The following DCAF15 variants were observed in gnomAD, a reference collection of about 807,000 sequenced individuals.
DCAF15 encodes the protein DDB1- and CUL4-associated factor 15.
DCAF15 carries 24 observed loss-of-function variants against 68.0 expected under a neutral mutation model. That is an observed-to-expected ratio of 0.35 (90% confidence interval 0.26 to 0.50). The LOEUF (loss-of-function observed/expected upper bound fraction) is 0.50, where lower values mean the gene tolerates loss of function less well. Among genes scored for constraint, DCAF15 ranks in the 20% least tolerant of loss-of-function variants. DCAF15 has a pLI of 0.98. For missense variants in DCAF15, 627 were observed against 830.6 expected (o/e 0.75, Z 3.01); for synonymous variants, 376 against 341.6 (o/e 1.10, Z -1.11).
chr19:13,953,177 C>A, intron 1 of DCAF15: 1 of 1,513,536 alleles, frequency 6.6e-7, no homozygotes, highest in South Asian at 1.2e-5. Context: ...GAGTCTTCCC[C>A]CGCAGAGTGA....
At chr19:13,956,325 G>A (rs369302856) in intron 5 of DCAF15, 27 bp from the exon 6 acceptor site, 22 of 1,612,428 alleles carry the variant, frequency 1.4e-5, no homozygotes, top group Non-Finnish European at 1.8e-5. Flanking sequence ...GGCCGAGAGT[G>A]AGCTGCTGTG....
At chr19:13,955,617 A>G (rs561534047) in intron 3 of DCAF15, among the ~76,000 whole-genome samples, 1,551 of 152,274 alleles carry the variant, frequency 0.01, 11 homozygotes, top group Middle Eastern at 0.034. Flanking sequence ...CTCAGCATAC[A>G]TGTGAACTCA....
chr19:13,952,910 C>T (rs1252150854), intron 1 of DCAF15: 2 of 842,872 alleles, frequency 2.4e-6, no homozygotes, highest in Non-Finnish European at 3.5e-6. Flanking sequence ...AGGGAGGGGG[C>T]TCGGAGGGAG....
intron 6 of DCAF15, among the ~76,000 whole-genome samples, chr19:13,957,071 TGTA>T (rs1973393213): frequency 6.6e-6 from 1 of 152,214 alleles, no homozygotes; most frequent in Non-Finnish European, 1.5e-5. Flanking sequence ...TGGATTTAAT[TGTA>T]GTTGTTTTAA....
Position 13,959,373 on chromosome 19 carries a change from G to A in DCAF15, c.1113G>A (p.Arg371=), listed in dbSNP as rs150062595. 1.0e-5 allele frequency: 16 copies of A among 1,606,038 alleles called. No homozygotes were observed. The African/African-American group carries it at 2.1e-4, about 21-fold the overall frequency. ...PLALCGETAP[R]DSPPASEAPA... ...CCCTGTGTGGAGAGACGGCACCCCG[G>A]GACAGCCCCCCTGCCTCGGAGGCAC... The change falls in exon 7 of 13, where the codon CGG becomes CGA. Residue 371 remains arginine, a synonymous_variant. Transcript: ENST00000254337.
At position 13,960,297 on chromosome 19, in the gene DCAF15, T is replaced by A; in HGVS notation, c.1537T>A (p.Tyr513Asn). Residue 513 changes from tyrosine to asparagine, a missense_variant, in exon 11 of 13, where the codon TAT becomes AAT. By Grantham distance (143) the Tyr-to-Asn change is moderately radical. This residue lies in a region of DCAF15 where 118 missense variants were observed against 211.8 expected (regional missense o/e 0.56). Transcript: ENST00000254337. ...TEEGQLRPKT[Y>N]HTSLKVAWDL... is the part of the protein sequence containing the mutation. ...CCCTCTCCACTGTAGACCAAAGACC[T>A]ATCACACCAGCCTCAAGGTGGCATG... is the stretch of plus-strand genomic sequence containing the variant. 6.2e-7 allele frequency: 1 copy of A among 1,613,926 alleles called. No homozygotes were observed. Among genetic ancestry groups the A allele is most frequent in the Non-Finnish European group, 8.5e-7 (1 of 1,179,966 alleles).
At chr19:13,957,653 A>G (rs1460330448) in intron 6 of DCAF15, among the ~76,000 whole-genome samples, 1 of 152,190 alleles carries the variant, frequency 6.6e-6, no homozygotes, top group Non-Finnish European at 1.5e-5. Flanking sequence ...CATGCCTGTA[A>G]TCCCAGCACT....
At chr19:13,960,885 G>A in intron 12 of DCAF15, 55 bp from the exon 13 acceptor site, 1 of 1,610,718 alleles carries the variant, frequency 6.2e-7, no homozygotes, top group Non-Finnish European at 8.5e-7. Context: ...GGAGGGTGTG[G>A]CCGCAGGGCC....
At chr19:13,954,006 G>A (rs997682406) in intron 1 of DCAF15, among the ~76,000 whole-genome samples, 1 of 152,162 alleles carries the variant, frequency 6.6e-6, no homozygotes, top group Non-Finnish European at 1.5e-5. Context: ...AGGGAGGGAA[G>A]CAGGTGGCCC....
At chr19:13,958,460 T>C (rs10426021) in intron 6 of DCAF15, among the ~76,000 whole-genome samples, 3,460 of 152,214 alleles carry the variant, frequency 0.023, 118 homozygotes, top group African/African-American at 0.074. Context: ...GTAGGGGGCT[T>C]GGAGGAAACC....
In DCAF15 at chr19:13,956,061, G is replaced by C. The variant is rs551670846; in HGVS notation, c.473+43G>C. On this transcript the variant is annotated intron_variant, in intron 4 of 12. Transcript: ENST00000254337. ...GGGGAGCCTTGGCTGGTTGGGGCAG[G>C]GGGTGTGCAGTGGGGGCCCCCCAGG... The C allele has an allele frequency of 8.1e-6, 13 of 1,612,234 alleles. No individual in the cohort carries two copies. In the Admixed American group the frequency reaches 2.2e-4, roughly 27 times the overall value.
At position 13,952,629 on chromosome 19, in the gene DCAF15, G is replaced by C; in HGVS notation, c.117G>C (p.Gln39His). The change falls in exon 1 of 13, where the codon CAG becomes CAC. Residue 39 changes from glutamine to histidine, a missense_variant. Physicochemically the swap from Gln to His is conservative, Grantham distance 24 (BLOSUM62 0). Transcript: ENST00000254337. Reference sequence around the variant, plus strand: ...GGCGGCGGGAGCACGTCCTCAAGCAGCTGGAGCGGGTCAAGGTGAGGCCTG... The same window carrying C: ...GGCGGCGGGAGCACGTCCTCAAGCACCTGGAGCGGGTCAAGGTGAGGCCTG... ...AGRRREHVLK[Q>H]LERVKISGQL... is the part of the protein sequence containing the mutation. 7.9e-7 allele frequency: 1 copy of C among 1,271,350 alleles called. No homozygotes were observed. Among genetic ancestry groups the C allele is most frequent in the Non-Finnish European group, 9.9e-7 (1 of 1,005,548 alleles). 78.8% of individuals were successfully genotyped at this position (1,271,350 alleles called of 1,614,324 possible).
At position 13,959,032 on chromosome 19, in the gene DCAF15, C is replaced by T; in HGVS notation, c.785-13C>T. On this transcript the variant is annotated splice_polypyrimidine_tract_variant and intron_variant, in intron 6 of 12. Coordinates refer to ENST00000254337, the MANE Select transcript of DCAF15 (RefSeq NM_138353.4). ...CCCCAGACTGACACTTCTCCACCCC[C>T]ATCTCTTCTTAGGTGACAGGAGTTT... 6.3e-7 allele frequency: 1 copy of T among 1,574,902 alleles called. No homozygotes were observed. The highest frequency in any genetic ancestry group is 1.8e-5 in the Admixed American group (1 of 55,444).
chr19:13,958,884 G>A (rs1365278269), intron 6 of DCAF15, among the ~76,000 whole-genome samples, 161 bp from the exon 7 acceptor site: 4 of 152,142 alleles, frequency 2.6e-5, no homozygotes, highest in Non-Finnish European at 4.4e-5. Flanking sequence ...GTGTGCATGC[G>A]CAGAAAGGTC....
chr19:13,954,512 C>CT lies in DCAF15; in HGVS notation c.231-13dup. ...CGCCCTGACCTGGCCGCTGTGCCCC[C>CT]TCCACCCCCACAGACATATCTTCCT... is the stretch of plus-strand genomic sequence containing the variant. On this transcript the variant is annotated splice_polypyrimidine_tract_variant and intron_variant, in intron 2 of 12. Transcript: ENST00000254337. The CT allele has an allele frequency of 6.2e-7, 1 of 1,614,154 alleles. No individual in the cohort carries two copies. The highest frequency in any genetic ancestry group is 8.5e-7 in the Non-Finnish European group (1 of 1,180,020).
Position 13,961,080 on chromosome 19 carries a change from G to T in DCAF15, c.*85G>T. On this transcript the variant is annotated 3_prime_UTR_variant, in exon 13 of 13. Transcript: ENST00000254337. ...TCCTGGGGTGGCCTCTTCCTGGCCG[G>T]CTGGCCCACCGACTGATGACCGGCA... 3 of 1,531,072 alleles carry T rather than the reference G, an allele frequency of 2.0e-6. No individual in the cohort carries two copies. Among genetic ancestry groups the T allele is most frequent in the Non-Finnish European group, 2.7e-6 (3 of 1,117,154 alleles). The allele number at this position is 1,531,072 out of a possible 1,614,324, so 94.8% of individuals were successfully genotyped here. A position where few individuals can be genotyped will look rare whatever the true frequency, so the allele number is the denominator to read the frequency against.
intron 10 of DCAF15, 38 bp downstream of exon 10, chr19:13,960,107 G>T: frequency 6.2e-7 from 1 of 1,609,964 alleles, no homozygotes; most frequent in South Asian, 1.1e-5. Context: ...TCCACTAGGG[G>T]GGCCACTGGC....
chr19:13,959,368 C>G lies in DCAF15; in HGVS notation c.1108C>G (p.Pro370Ala). 6.2e-7 allele frequency: 1 copy of G among 1,605,920 alleles called. No homozygotes were observed. Among genetic ancestry groups the G allele is most frequent in the East Asian group, 2.2e-5 (1 of 44,862 alleles). Residue 370 changes from proline (P) to alanine (A), a missense_variant, in exon 7 of 13, where the codon CCC becomes GCC. Physicochemically the swap from Pro to Ala is conservative, Grantham distance 27. This residue lies in a region of DCAF15 where 236 missense variants were observed against 225.1 expected (regional missense o/e 1.05). Coordinates refer to ENST00000254337, the MANE Select transcript of DCAF15 (RefSeq NM_138353.4). ...EPLALCGETA[P>A]RDSPPASEAP... ...CCTAGCCCTGTGTGGAGAGACGGCA[C>G]CCCGGGACAGCCCCCCTGCCTCGGA...
intron 6 of DCAF15, among the ~76,000 whole-genome samples, chr19:13,957,196 A>G (rs1170239214): frequency 1.3e-5 from 2 of 152,214 alleles, no homozygotes; most frequent in South Asian, 2.1e-4. Context: ...ACTTGGCATT[A>G]TATGTTTGAT....
Sources: allele counts gnomAD v4.1 joint callset (sites outside exome capture counted in the v4.1 genomes callset), GRCh38; gene constraint gnomAD v4.1.1; regional missense constraint gnomAD v4.1.1; transcripts MANE v1.5; gene names NCBI Gene and HGNC (gene_info 2026-07-23, HGNC 2026-07-21).